The following ENO2 variants were observed in gnomAD, a reference collection of about 807,000 sequenced individuals.
ENO2 encodes the protein enolase 2, also known as gamma-enolase.
Under a neutral mutation model 48.7 loss-of-function variants are expected in ENO2, and 19 were observed. That is an observed-to-expected ratio of 0.39 (90% CI 0.27 to 0.57). The LOEUF is 0.57. Ranked by LOEUF, ENO2 falls within the 20% of genes least tolerant of loss-of-function variation. The pLI, the probability that ENO2 is intolerant of heterozygous loss-of-function variation, is 0.58. For synonymous variants in ENO2, 198 were observed against 213.4 expected (o/e 0.93, Z 0.63); for missense variants, 416 against 555.0 (o/e 0.75, Z 2.52).
In ENO2 at chr12:6,916,619, T is replaced by G. The variant is rs1372652764; in HGVS notation, c.182-52T>G. On this transcript the variant is annotated intron_variant, in intron 3 of 11. Coordinates refer to ENST00000229277, the MANE Select transcript of ENO2 (RefSeq NM_001975.3). The surrounding 1 kb of genome is among the most constrained non-coding windows in gnomAD (Gnocchi z 4.5). ...GCATGGCTTCCCCTCCTCCCATTGA[T>G]CCCTTCCGGCCCCTCCTGGCCCGAC... 6 of 1,612,828 alleles carry G rather than the reference T, an allele frequency of 3.7e-6. No homozygotes were observed. The highest frequency in any genetic ancestry group is 1.7e-5 in the Admixed American group (1 of 59,970).
Position 6,917,118 on chromosome 12 carries a change from G to A in ENO2, c.310+11G>A. 2 of 1,614,024 alleles carry A rather than the reference G, an allele frequency of 1.2e-6. No homozygotes were observed. The highest frequency in any genetic ancestry group is 1.7e-6 in the Non-Finnish European group (2 of 1,180,022). On this transcript the variant is annotated intron_variant, in intron 5 of 11. Transcript: ENST00000229277. ...GGACTGAGAACAAATGTGAGCCGGG[G>A]CCGGGAGAAAGTGGGGAAGCGTCAG...
Position 6,916,064 on chromosome 12 carries a change from C to A in ENO2, c.85+147C>A. The A allele has an allele frequency of 1.2e-6, 1 of 814,178 alleles. No homozygotes were observed. Among genetic ancestry groups the A allele is most frequent in the Non-Finnish European group, 2.0e-6 (1 of 509,994 alleles). The allele number at this position is 814,178 out of a possible 1,614,324, so 50.4% of individuals were successfully genotyped here. On this transcript the variant is annotated intron_variant, in intron 2 of 11. Transcript: ENST00000229277. This position sits in a 1 kb window ranked among gnomAD's most constrained non-coding sequence, Gnocchi z 4.5. ...AAGCCTGGGTTGTGGCGGTTGGATC[C>A]TCCTTGTCCGGGGAGCCAGGGTAGG...
At chr12:6,919,014 G>C (rs1945317608) in intron 7 of ENO2, among the ~76,000 whole-genome samples, 1 of 112,382 alleles carries the variant, frequency 8.9e-6, no homozygotes, top group Admixed American at 9.2e-5. Context: ...GTTGTCACTG[G>C]AGCCCTTGGG....
At position 6,922,031 on chromosome 12, in the gene ENO2, G is replaced by A; in HGVS notation, c.1068-25G>A. ...GAGAGTGCCCAGTGTGAGAGCTGGAGAATCAGTGCTGTGTGTGGATACAGG... is the reference window on the plus strand; with the variant it reads ...GAGAGTGCCCAGTGTGAGAGCTGGAAAATCAGTGCTGTGTGTGGATACAGG... On this transcript the variant is annotated intron_variant, in intron 9 of 11. Transcript: ENST00000229277. This position sits in a 1 kb window ranked among gnomAD's most constrained non-coding sequence, Gnocchi z 5.3. The A allele has an allele frequency of 6.2e-7, 1 of 1,613,446 alleles. No individual in the cohort carries two copies. The highest frequency in any genetic ancestry group is 8.5e-7 in the Non-Finnish European group (1 of 1,179,382).
At chr12:6,918,475 C>A (rs218738) in intron 7 of ENO2, among the ~76,000 whole-genome samples, 2 of 151,546 alleles carry the variant, frequency 1.3e-5, no homozygotes, top group Admixed American at 1.3e-4. Context: ...CTCAGCCTCC[C>A]GAGTAGCTGG....
At position 6,917,891 on chromosome 12, in the gene ENO2, C is replaced by T. The variant is rs781793688; in HGVS notation, c.445-49C>T. On this transcript the variant is annotated intron_variant, in intron 6 of 11. Transcript: ENST00000229277. ...GGATCTTGGGTTAACACTCCTGGGG[C>T]GGGCAGGGAGGGGCTCTTTGACCCT... 2.5e-5 allele frequency: 29 copies of T among 1,145,538 alleles called. No individual in the cohort carries two copies. In the Admixed American group the frequency reaches 3.3e-4, roughly 13 times the overall value. 71.0% of individuals were successfully genotyped at this position (1,145,538 alleles called of 1,614,324 possible).
Position 6,918,146 on chromosome 12 carries a change from C to G in ENO2, c.651C>G (p.Ile217Met). The G allele has an allele frequency of 1.2e-6, 2 of 1,614,108 alleles. No homozygotes were observed. The change falls in exon 7 of 12, where the codon ATC becomes ATG. Residue 217 changes from isoleucine to methionine, a missense_variant. Physicochemically the swap from Ile to Met is conservative, Grantham distance 10. Coordinates refer to ENST00000229277, the MANE Select transcript of ENO2 (RefSeq NM_001975.3). ...VGDEGGFAPN[I>M]LENSEALELV... is the part of the protein sequence containing the mutation. The stretch of plus-strand genomic sequence containing the variant: ...ATGAAGGTGGCTTTGCCCCCAATAT[C>G]CTGGAGAACAGTGAAGGTGAGGCCA...
intron 5 of ENO2, 41 bp downstream of exon 5, chr12:6,917,148 G>C (rs1565558296): frequency 6.2e-7 from 1 of 1,612,098 alleles, no homozygotes. Flanking sequence ...CGTCAGGGTG[G>C]GGAGGCGTGG....
rs782059960 is a variant in ENO2, at chr12:6,916,136, G to A, written c.85+219G>A. The stretch of plus-strand genomic sequence containing the variant: ...CGTGTGAGGCATGTCCTGCCTCCGT[G>A]TGTCTGCCTGTGCACTTGCATGTGT... On this transcript the variant is annotated intron_variant, in intron 2 of 11. Transcript: ENST00000229277. This position sits in a 1 kb window ranked among gnomAD's most constrained non-coding sequence, Gnocchi z 4.5. 6.6e-6 allele frequency among the ~76,000 whole-genome samples: 1 copy of A among 152,278 alleles called. No individual in the cohort carries two copies. The highest frequency in any genetic ancestry group is 6.5e-5 in the Admixed American group (1 of 15,298).
Position 6,919,837 on chromosome 12 carries a change from G to T in ENO2, c.865+74G>T. ...GTCCCAGCAACTCTGGACCTTATGG[G>T]GTGCTGACTCAGGCACCAGGTGGGG... On this transcript the variant is annotated intron_variant, in intron 8 of 11. Coordinates refer to ENST00000229277, the MANE Select transcript of ENO2 (RefSeq NM_001975.3). 3 of 1,534,164 alleles carry T rather than the reference G, an allele frequency of 2.0e-6. No individual in the cohort carries two copies. In the South Asian group the frequency reaches 3.5e-5, roughly 18 times the overall value.
rs1555142255 is a variant in ENO2 at position 6,922,772 on chromosome 12, A to G, written c.1277A>G (p.His426Arg). Reference sequence around the variant, plus strand: ...GGGGATGAAGCTCGCTTTGCCGGACATAACTTCCGTAATCCCAGTGTGCTG... The same window carrying G: ...GGGGATGAAGCTCGCTTTGCCGGACGTAACTTCCGTAATCCCAGTGTGCTG... ...ELGDEARFAG[H>R]NFRNPSVL Residue 426 changes from histidine (H) to arginine (R), a missense_variant, in exon 12 of 12, where the codon CAT becomes CGT. His to Arg is a conservative substitution (Grantham distance 29). Coordinates refer to ENST00000229277, the MANE Select transcript of ENO2 (RefSeq NM_001975.3). This position sits in a 1 kb window ranked among gnomAD's most constrained non-coding sequence, Gnocchi z 5.3. The G allele has an allele frequency of 1.9e-6, 3 of 1,614,134 alleles. No homozygotes were observed. The highest frequency in any genetic ancestry group is 2.5e-6 in the Non-Finnish European group (3 of 1,180,006).
intron 8 of ENO2, 136 bp from the exon 9 acceptor site, chr12:6,921,445 T>C: frequency 1.2e-6 from 1 of 836,226 alleles, no homozygotes; most frequent in South Asian, 1.6e-5. Context: ...TGGGGGGATT[T>C]GTCTTAGCAA....
In ENO2 at chr12:6,917,649, G is replaced by C. The variant is rs782310212; in HGVS notation, c.379G>C (p.Glu127Gln). ...AVCKAGAAER[E>Q]LPLYRHIAQL... ...GTGTAAGGCAGGGGCAGCTGAGCGGGAACTGCCCCTGTATCGCCACATTGC... is the reference window on the plus strand; with the variant it reads ...GTGTAAGGCAGGGGCAGCTGAGCGGCAACTGCCCCTGTATCGCCACATTGC... Residue 127 changes from glutamate to glutamine, a missense_variant, in exon 6 of 12, where the codon GAA becomes CAA. Coordinates refer to ENST00000229277, the MANE Select transcript of ENO2 (RefSeq NM_001975.3). 2 of 1,588,436 alleles carry C rather than the reference G, an allele frequency of 1.3e-6. No individual in the cohort carries two copies. Among genetic ancestry groups the C allele is most frequent in the East Asian group, 2.3e-5 (1 of 43,338 alleles).
In ENO2 at chr12:6,916,112, G is replaced by A. The variant is rs1289358294; in HGVS notation, c.85+195G>A. On this transcript the variant is annotated intron_variant, in intron 2 of 11. Transcript: ENST00000229277. This position sits in a 1 kb window ranked among gnomAD's most constrained non-coding sequence, Gnocchi z 4.5. ...AGGTGGGTCTGTGTTCGAGTTTAGC[G>A]TGTGAGGCATGTCCTGCCTCCGTGT... is the stretch of plus-strand genomic sequence containing the variant. 6.6e-6 allele frequency among the ~76,000 whole-genome samples: 1 copy of A among 152,158 alleles called. No individual in the cohort carries two copies. Among genetic ancestry groups the A allele is most frequent in the African/African-American group, 2.4e-5 (1 of 41,442 alleles).
At position 6,922,078 on chromosome 12, in the gene ENO2, G is replaced by A. The variant is rs782434657; in HGVS notation, c.1090G>A (p.Gly364Ser). 1 of 1,614,176 alleles carries A rather than the reference G, an allele frequency of 6.2e-7. No individual in the cohort carries two copies. Residue 364 changes from glycine (G) to serine (S), a missense_variant, in exon 10 of 12, where the codon GGC becomes AGC. By Grantham distance (56) the Gly-to-Ser change is moderately conservative. Coordinates refer to ENST00000229277, the MANE Select transcript of ENO2 (RefSeq NM_001975.3). This position sits in a 1 kb window ranked among gnomAD's most constrained non-coding sequence, Gnocchi z 5.3. ...CAGGTGCAAGCTGGCCCAGGAGAAT[G>A]GCTGGGGGGTCATGGTGAGTCATCG... ...IQACKLAQEN[G>S]WGVMVSHRSG...
rs141307809 is a variant in ENO2, at chr12:6,922,969, C to G, written c.*169C>G. On this transcript the variant is annotated 3_prime_UTR_variant, in exon 12 of 12. Transcript: ENST00000229277. This position sits in a 1 kb window ranked among gnomAD's most constrained non-coding sequence, Gnocchi z 5.3. ...TGGCTTACCTGACCTCTTGCTGTCT[C>G]TGCTCGCCCTCCTTTCTGTGCCCTA... The G allele has an allele frequency of 8.5e-5, 55 of 644,268 alleles. No homozygotes were observed. The African/African-American group carries it at 9.6e-4, about 11-fold the overall frequency. The allele number at this position is 644,268 out of a possible 1,614,324, so 39.9% of individuals were successfully genotyped here. A position where few individuals can be genotyped will look rare whatever the true frequency, so the allele number is the denominator to read the frequency against.
At chr12:6,918,251 G>T (rs782177707) in intron 7 of ENO2, 89 bp downstream of exon 7, 26 of 1,369,192 alleles carry the variant, frequency 1.9e-5, no homozygotes, top group Non-Finnish European at 2.6e-5. Context: ...GTCCTGAGTA[G>T]GCGTGGAGGG....
Position 6,919,560 on chromosome 12 carries a change from C to A in ENO2, c.668-6C>A. 1 of 1,614,002 alleles carries A rather than the reference C, an allele frequency of 6.2e-7. No individual in the cohort carries two copies. The highest frequency in any genetic ancestry group is 8.5e-7 in the Non-Finnish European group (1 of 1,179,994). ...GTACTATAATCTCACTGTATTCTGT[C>A]CCCAGCCTTGGAGCTGGTGAAGGAA... On this transcript the variant is annotated splice_polypyrimidine_tract_variant and splice_region_variant and intron_variant, in intron 7 of 11. Transcript: ENST00000229277.
At position 6,922,809 on chromosome 12, in the gene ENO2, C is replaced by T. The variant is rs1945353500; in HGVS notation, c.*9C>T. ...ATCCCAGTGTGCTGTGATTCCTCTG[C>T]TTGCCTGGAGACGTGGAACCTCTGT... On this transcript the variant is annotated 3_prime_UTR_variant, in exon 12 of 12. Transcript: ENST00000229277. This position sits in a 1 kb window ranked among gnomAD's most constrained non-coding sequence, Gnocchi z 5.3. 1.9e-6 allele frequency: 3 copies of T among 1,613,930 alleles called. No individual in the cohort carries two copies.
Sources: gnomAD v4.1 joint callset for allele counts (sites outside exome capture counted in the v4.1 genomes callset) on GRCh38, gnomAD v4.1.1 for gene constraint, Gnocchi (gnomAD v3.1) non-coding constraint, MANE v1.5 for transcripts, NCBI Gene and HGNC (gene_info 2026-07-23, HGNC 2026-07-21) for gene names.